TTLL10: variants seen among roughly 807,000 people sequenced by gnomAD.
TTLL10 encodes the protein inactive polyglycylase TTLL10.
TTLL10 carries 61 observed loss-of-function variants against 69.0 expected under a neutral mutation model. That is an observed-to-expected ratio of 0.88 (90% CI 0.72 to 1.09). TTLL10 has a LOEUF of 1.09. Among genes scored for constraint, TTLL10 ranks in the 50% least tolerant of loss-of-function variants. The pLI is 0.00. For missense variants in TTLL10, 962 were observed against 945.9 expected (o/e 1.02, Z -0.22); for synonymous variants, 408 against 393.3 (o/e 1.04, Z -0.44).
chr1:1,182,871 T>C lies in TTLL10; in HGVS notation c.917-5T>C, dbSNP rs199544116. 999 of 1,568,676 alleles carry C rather than the reference T, an allele frequency of 6.4e-4. 8 individuals carry two copies. In the African/African-American group the frequency reaches 0.011, roughly 17 times the overall value. ...GGCCAGGGGCTCAGGCCGCGCTCTC[T>C]GCAGAAACCCAGATATGGATCTGCA... On this transcript the variant is annotated splice_region_variant and splice_polypyrimidine_tract_variant and intron_variant, in intron 10 of 15. Coordinates refer to ENST00000379289, the MANE Select transcript of TTLL10 (RefSeq NM_001130045.2).
chr1:1,186,369 G>A (rs1053211215), intron 13 of TTLL10, among the ~76,000 whole-genome samples: 1 of 152,134 alleles, frequency 6.6e-6, no homozygotes, highest in South Asian at 2.1e-4. Flanking sequence ...GATTACAGGC[G>A]TGAGCCACTG....
intron 13 of TTLL10, among the ~76,000 whole-genome samples, chr1:1,193,849 A>G (rs1435709419): frequency 1.3e-5 from 2 of 152,168 alleles, no homozygotes. Flanking sequence ...ATTACCATTA[A>G]TATTGTATCT....
At chr1:1,196,897 C>A (rs1035858936) in intron 14 of TTLL10, among the ~76,000 whole-genome samples, 181 bp downstream of exon 14, 1 of 152,132 alleles carries the variant, frequency 6.6e-6, no homozygotes, top group Non-Finnish European at 1.5e-5. Flanking sequence ...TAGGATGGAA[C>A]TGCACCCCCT....
intron 3 of TTLL10, chr1:1,176,402 GCA>G (rs1308103427): frequency 4.4e-6 from 2 of 455,146 alleles, no homozygotes; most frequent in Admixed American, 2.3e-5. Flanking sequence ...AGAGGCTGGG[GCA>G]CACAGTCATC....
rs542573829 is a variant in TTLL10 at position 1,195,563 on chromosome 1, T to C, written c.1402-1037T>C. Among the ~76,000 whole-genome samples the C allele has an allele frequency of 1.0e-4, 15 of 142,980 alleles. No individual in the cohort carries two copies. In the East Asian group the frequency reaches 3.8e-3, roughly 36 times the overall value. 93.8% of individuals were successfully genotyped at this position (142,980 alleles called of 152,430 possible). A position where few individuals can be genotyped will look rare whatever the true frequency, so the allele number is the denominator to read the frequency against. On this transcript the variant is annotated intron_variant, in intron 13 of 15. Transcript: ENST00000379289. ...TTTCACCATGTTGGCAAGGCTTGTC[T>C]CGAACTCCTGACCTCAGGTGATCCA...
At chr1:1,192,474 C>G (rs1161639313) in intron 13 of TTLL10, among the ~76,000 whole-genome samples, 4 of 151,974 alleles carry the variant, frequency 2.6e-5, no homozygotes, top group African/African-American at 9.7e-5. Context: ...TGTAGACACT[C>G]CAGTTCGTAT....
At chr1:1,177,195 C>T (rs1646904393) in intron 3 of TTLL10, among the ~76,000 whole-genome samples, 1 of 150,290 alleles carries the variant, frequency 6.7e-6, no homozygotes. Context: ...TGTGTCTGTG[C>T]ATCCATGTGT....
Position 1,185,365 on chromosome 1 carries a change from G to GC in TTLL10, c.1401+258dup, listed in dbSNP as rs1647242643. 1 of 1,346,960 alleles carries GC rather than the reference G, an allele frequency of 7.4e-7. No homozygotes were observed. Among genetic ancestry groups the GC allele is most frequent in the African/African-American group, 1.5e-5 (1 of 66,934 alleles). The allele number at this position is 1,346,960 out of a possible 1,614,324, so 83.4% of individuals were successfully genotyped here. ...CGGCACGAGTCCCGCGGGCAGCCTC[G>GC]CCGTAGGGTCAGGGGACAGCTCGGC... On this transcript the variant is annotated intron_variant, in intron 13 of 15. Transcript: ENST00000379289. The surrounding 1 kb of genome is among the most constrained non-coding windows in gnomAD (Gnocchi z 6.1).
chr1:1,192,938 T>C (rs1557490636), intron 13 of TTLL10, among the ~76,000 whole-genome samples: 5 of 152,278 alleles, frequency 3.3e-5, no homozygotes, highest in Admixed American at 2.0e-4. Flanking sequence ...TCTCTGAAAC[T>C]AAAGTATCTT....
At position 1,180,131 on chromosome 1, in the gene TTLL10, G is replaced by C. The variant is rs1428472372; in HGVS notation, c.297G>C (p.Pro99=). The C allele has an allele frequency of 1.2e-6, 2 of 1,610,976 alleles. No homozygotes were observed. ...ACGACGCAGATGGACACTGTGGGCC[G>C]GACCTGGAGGGGGCAGAAAGAGCCT... ...PDHDADGHCG[P]DLEGAERASA... is the part of the protein sequence containing the mutation. The change falls in exon 6 of 16, where the codon CCG becomes CCC. Residue 99 remains proline, a synonymous_variant. Coordinates refer to ENST00000379289, the MANE Select transcript of TTLL10 (RefSeq NM_001130045.2).
At chr1:1,179,521 CT>C (rs1646975860) in intron 4 of TTLL10, 135 bp from the exon 5 acceptor site, 1 of 1,413,034 alleles carries the variant, frequency 7.1e-7, no homozygotes, top group African/African-American at 1.4e-5. Flanking sequence ...CAGAGGGGAG[CT>C]GTCGCGCTCC....
chr1:1,173,993 T>G lies in TTLL10; in HGVS notation c.-131+67T>G, dbSNP rs1646809977. 1 of 152,318 alleles carries G rather than the reference T, an allele frequency of 6.6e-6. No individual in the cohort carries two copies. The highest frequency in any genetic ancestry group is 1.5e-5 in the Non-Finnish European group (1 of 68,164). 9.4% of individuals were successfully genotyped at this position (152,318 alleles called of 1,614,324 possible). On this transcript the variant is annotated intron_variant, in intron 1 of 15. Transcript: ENST00000379289. This position sits in a 1 kb window ranked among gnomAD's most constrained non-coding sequence, Gnocchi z 4.1. ...CGGCCCCGCCCTCCTACGCCCTGCC[T>G]GCGGGTCCCCTCGGGAGGCTGCTCA...
chr1:1,186,908 T>A (rs1287841886), intron 13 of TTLL10, among the ~76,000 whole-genome samples: 2 of 151,148 alleles, frequency 1.3e-5, no homozygotes, highest in African/African-American at 2.4e-5. Context: ...TGCAGTGATG[T>A]GATTCTCGGC....
chr1:1,182,759 A>T (rs1647111528), intron 10 of TTLL10, 117 bp from the exon 11 acceptor site: 26 of 1,386,908 alleles, frequency 1.9e-5, no homozygotes, highest in Non-Finnish European at 2.2e-5. Context: ...CGCAGGGCCA[A>T]GGTTGGAATG....
chr1:1,190,137 C>T (rs1051301789), intron 13 of TTLL10, among the ~76,000 whole-genome samples: 2 of 151,220 alleles, frequency 1.3e-5, no homozygotes, highest in Non-Finnish European at 2.9e-5. Context: ...AGAATTTGTC[C>T]ATTTCTTCTA....
intron 3 of TTLL10, among the ~76,000 whole-genome samples, chr1:1,177,404 C>T (rs1466169443): frequency 6.6e-6 from 1 of 152,160 alleles, no homozygotes; most frequent in Non-Finnish European, 1.5e-5. Flanking sequence ...CTCCACCTCC[C>T]AGGTTCAAGC....
In TTLL10 at chr1:1,175,544, C is replaced by T. The variant is rs202208359; in HGVS notation, c.-28+1055C>T. ...ATTTGTTTTCCTCAGAGTTGGCGAT[C>T]GCCTTGCTTTTCACATGTGCTTGTG... On this transcript the variant is annotated intron_variant, in intron 3 of 15. Transcript: ENST00000379289. 1,084 of 375,834 alleles carry T rather than the reference C, an allele frequency of 2.9e-3. 7 individuals are homozygous for T. Among genetic ancestry groups the T allele is most frequent in the Non-Finnish European group, 5.1e-3 (962 of 188,830 alleles). The allele number at this position is 375,834 out of a possible 1,614,324, so 23.3% of individuals were successfully genotyped here. A position where few individuals can be genotyped will look rare whatever the true frequency, so the allele number is the denominator to read the frequency against.
chr1:1,177,198 C>T (rs1216854259), intron 3 of TTLL10, among the ~76,000 whole-genome samples: 1 of 151,134 alleles, frequency 6.6e-6, no homozygotes, highest in Non-Finnish European at 1.5e-5. Context: ...GTCTGTGCAT[C>T]CATGTGTCTG....
chr1:1,193,446 TAG>T (rs1647979160), intron 13 of TTLL10, among the ~76,000 whole-genome samples: 1 of 152,192 alleles, frequency 6.6e-6, no homozygotes, highest in African/African-American at 2.4e-5. Flanking sequence ...CCTATTGTTT[TAG>T]AGAGATATTT....
Sources: gnomAD v4.1 joint callset for allele counts (sites outside exome capture counted in the v4.1 genomes callset) on GRCh38, gnomAD v4.1.1 for gene constraint, Gnocchi (gnomAD v3.1) non-coding constraint, MANE v1.5 for transcripts, NCBI Gene and HGNC (gene_info 2026-07-23, HGNC 2026-07-21) for gene names.